The following RBM47 variants were observed in gnomAD, a reference collection of about 807,000 sequenced individuals.
RBM47 encodes the protein RNA-binding protein 47.
In RBM47, 21 loss-of-function variants were observed where a neutral mutation model predicts 47.1. That is an observed-to-expected ratio of 0.45 (90% CI 0.32 to 0.64). The LOEUF is 0.64. Among genes scored for constraint, RBM47 ranks in the 30% least tolerant of loss-of-function variants. The pLI, the probability that RBM47 is intolerant of heterozygous loss-of-function variation, is 0.05. For synonymous variants in RBM47, 375 were observed against 361.7 expected, an observed-to-expected ratio of 1.04 and a Z score of -0.42; for missense variants, 708 against 870.9, an observed-to-expected ratio of 0.81 and a Z score of 2.35.
chr4:40,594,451 A>C (rs929387804), intron 1 of RBM47, among the ~76,000 whole-genome samples: 3 of 152,158 alleles, frequency 2.0e-5, no homozygotes, highest in Non-Finnish European at 4.4e-5. Context: ...TTGGTCTCGA[A>C]AGCTCTCATT....
At chr4:40,470,171 A>G (rs535962001) in intron 2 of RBM47, among the ~76,000 whole-genome samples, 2 of 152,210 alleles carry the variant, frequency 1.3e-5, no homozygotes, top group South Asian at 4.1e-4. Flanking sequence ...GTTTCTGGAG[A>G]AACGGGGTGG....
intron 2 of RBM47, chr4:40,543,661 G>A (rs1475154684): frequency 6.6e-6 from 1 of 152,064 alleles, no homozygotes; most frequent in Non-Finnish European, 1.5e-5. Context: ...AGGTGTGATG[G>A]TGCGTGCCTG....
intron 1 of RBM47, among the ~76,000 whole-genome samples, chr4:40,557,726 G>T (rs1191684224): frequency 6.9e-6 from 1 of 144,728 alleles, no homozygotes; most frequent in African/African-American, 2.5e-5. Flanking sequence ...TCCAGCCTGG[G>T]CAACAAGAGC....
intron 3 of RBM47, among the ~76,000 whole-genome samples, chr4:40,458,577 C>A (rs2154223856): frequency 6.6e-6 from 1 of 152,134 alleles, no homozygotes; most frequent in South Asian, 2.1e-4. Flanking sequence ...ATATTTATGA[C>A]AATATGACCA....
At chr4:40,579,396 T>C (rs1732657356) in intron 1 of RBM47, among the ~76,000 whole-genome samples, 5 of 127,616 alleles carry the variant, frequency 3.9e-5, no homozygotes, top group Admixed American at 3.9e-4. Flanking sequence ...TACTCCAGCC[T>C]GGGTGACAGA....
rs1390085528 is a variant in RBM47, at chr4:40,437,668, G to C, written c.1123+103C>G. 3 of 1,248,816 alleles carry C rather than the reference G, an allele frequency of 2.4e-6. No homozygotes were observed. In the African/African-American group the frequency reaches 4.5e-5, roughly 19 times the overall value. 77.4% of individuals were successfully genotyped at this position (1,248,816 alleles called of 1,614,324 possible). Reference sequence around the variant, plus strand: ...CAAAACGGGGGTGGGAGGGCCTTCAGCACCTACCAGCTCAGCAAATGCCAG... The same window carrying C: ...CAAAACGGGGGTGGGAGGGCCTTCACCACCTACCAGCTCAGCAAATGCCAG... On this transcript the variant is annotated intron_variant, in intron 4 of 6. Coordinates refer to ENST00000295971, the MANE Select transcript of RBM47 (RefSeq NM_001098634.2).
In RBM47 at chr4:40,512,725, A is replaced by AC. The variant is rs112917941; in HGVS notation, c.-155+31696_-155+31697insG. ...GTGAGACTTCATCTCAAAAAAAAAAAAAAAAGAAAGAAAGAAAAGAAAAAA... is the reference window on the plus strand; with the variant it reads ...GTGAGACTTCATCTCAAAAAAAAAAACAAAAAGAAAGAAAGAAAAGAAAAAA... On this transcript the variant is annotated intron_variant, in intron 2 of 6. Transcript: ENST00000295971. Among the ~76,000 whole-genome samples, 12 of 151,834 alleles carry AC rather than the reference A, an allele frequency of 7.9e-5. 1 individual carries two copies. The highest frequency in any genetic ancestry group is 2.9e-4 in the African/African-American group (12 of 41,492).
At chr4:40,608,451 A>G (rs1194860099) in intron 1 of RBM47, among the ~76,000 whole-genome samples, 1 of 152,232 alleles carries the variant, frequency 6.6e-6, no homozygotes, top group Non-Finnish European at 1.5e-5. Flanking sequence ...CTTGGAGATT[A>G]ATTTATTTTC....
chr4:40,622,963 G>T (rs917440303), intron 1 of RBM47, among the ~76,000 whole-genome samples: 2 of 152,198 alleles, frequency 1.3e-5, no homozygotes, highest in African/African-American at 4.8e-5. Context: ...TGGAAGCAGG[G>T]GAGCAGATAA....
intron 1 of RBM47, among the ~76,000 whole-genome samples, chr4:40,618,085 A>C (rs2154280685): frequency 6.6e-6 from 1 of 152,006 alleles, no homozygotes; most frequent in South Asian, 2.1e-4. Context: ...TACAAAAAAT[A>C]CAAAAAATTA....
At chr4:40,484,526 G>A (rs1382876325) in intron 2 of RBM47, among the ~76,000 whole-genome samples, 1 of 152,084 alleles carries the variant, frequency 6.6e-6, no homozygotes, top group Admixed American at 6.6e-5. Context: ...GTATGGTTGG[G>A]ATCATGTTAC....
At chr4:40,481,495 T>A (rs1284135909) in intron 2 of RBM47, among the ~76,000 whole-genome samples, 56 of 139,868 alleles carry the variant, frequency 4.0e-4, no homozygotes, top group East Asian at 1.9e-3. Flanking sequence ...TATTTTTATT[T>A]TTATTTTTGA....
intron 2 of RBM47, among the ~76,000 whole-genome samples, chr4:40,523,323 C>A (rs1726382560): frequency 1.3e-5 from 2 of 151,782 alleles, no homozygotes; most frequent in Admixed American, 1.3e-4. Context: ...GCCTGTAATC[C>A]CAGCCCTCCT....
At chr4:40,527,372 T>C (rs1726836186) in intron 2 of RBM47, among the ~76,000 whole-genome samples, 1 of 149,856 alleles carries the variant, frequency 6.7e-6, no homozygotes, top group African/African-American at 2.5e-5. Flanking sequence ...CTGCAACCTC[T>C]GCCTCCCAGA....
In RBM47 at chr4:40,609,514, T is replaced by C. The variant is rs576297119; in HGVS notation, c.-240+19882A>G. ...TTTTAGTAGAGACAGGGTTTCACCA[T>C]GTTGGCCAGGCTGGTCTCGAACTCC... On this transcript the variant is annotated intron_variant, in intron 1 of 6. Transcript: ENST00000295971. 1.5e-4 allele frequency among the ~76,000 whole-genome samples: 22 copies of C among 150,140 alleles called. 1 individual carries two copies. Among genetic ancestry groups the C allele is most frequent in the African/African-American group, 4.9e-4 (20 of 40,810 alleles).
At chr4:40,548,772 T>G (rs1196342839) in intron 1 of RBM47, among the ~76,000 whole-genome samples, 2 of 152,142 alleles carry the variant, frequency 1.3e-5, no homozygotes, top group East Asian at 3.9e-4. Context: ...ATTCAAGGGA[T>G]TCTCCTGCCT....
chr4:40,613,876 T>C (rs1450748811), intron 1 of RBM47, among the ~76,000 whole-genome samples: 1 of 152,032 alleles, frequency 6.6e-6, no homozygotes, highest in East Asian at 1.9e-4. Flanking sequence ...CTCAGCCCTA[T>C]GGACATTTTG....
At chr4:40,449,509 A>G (rs1161601517) in intron 3 of RBM47, among the ~76,000 whole-genome samples, 12 of 152,184 alleles carry the variant, frequency 7.9e-5, no homozygotes, top group Non-Finnish European at 1.3e-4. Context: ...CAATTTTCCC[A>G]GACGTTTCTA....
intron 3 of RBM47, among the ~76,000 whole-genome samples, chr4:40,439,142 G>C (rs1485678886): frequency 6.8e-6 from 1 of 146,322 alleles, no homozygotes; most frequent in Non-Finnish European, 1.5e-5. Context: ...AGTTAGGAGA[G>C]AAAAAAAAAA....
Sources: gnomAD v4.1 joint callset for allele counts (sites outside exome capture counted in the v4.1 genomes callset) on GRCh38, gnomAD v4.1.1 for gene constraint, MANE v1.5 for transcripts, NCBI Gene and HGNC (gene_info 2026-07-23, HGNC 2026-07-21) for gene names.